Variants in ANKRD44 observed in about 807,000 individuals in gnomAD.
The protein encoded by ANKRD44 is ankyrin repeat domain 44.
A neutral mutation model predicts 116.0 loss-of-function variants in ANKRD44; 35 were observed. That is an observed-to-expected ratio of 0.30 (90% CI 0.23 to 0.40). ANKRD44 has a LOEUF of 0.40. Among genes scored for constraint, ANKRD44 ranks in the 10% least tolerant of loss-of-function variants. The pLI is 1.00. For missense variants in ANKRD44, 1,014 were observed against 1,242.6 expected (o/e 0.82, Z 2.77); for synonymous variants, 435 against 461.8 (o/e 0.94, Z 0.74).
At chr2:197,172,347 G>A (rs2080260001) in intron 2 of ANKRD44, among the ~76,000 whole-genome samples, 1 of 152,052 alleles carries the variant, frequency 6.6e-6, no homozygotes, top group African/African-American at 2.4e-5. Flanking sequence ...GATAAAGGTG[G>A]TAGGTAAGCT....
intron 27 of ANKRD44, among the ~76,000 whole-genome samples, chr2:196,991,322 C>T (rs2075911685): frequency 6.6e-6 from 1 of 152,116 alleles, no homozygotes; most frequent in Non-Finnish European, 1.5e-5. Flanking sequence ...CACCATGAGC[C>T]TCAGGCCTGG....
intron 16 of ANKRD44, among the ~76,000 whole-genome samples, chr2:197,074,136 C>T (rs977046152): frequency 3.9e-5 from 6 of 152,226 alleles, no homozygotes; most frequent in African/African-American, 7.2e-5. Flanking sequence ...CCCCCACCCT[C>T]GCCCTTAATG....
At chr2:197,069,661 C>G (rs1011919131) in intron 16 of ANKRD44, among the ~76,000 whole-genome samples, 7 of 152,036 alleles carry the variant, frequency 4.6e-5, no homozygotes, top group African/African-American at 1.7e-4. Flanking sequence ...TATATTCAAG[C>G]TATATAATAA....
chr2:197,176,161 G>C (rs907590042), intron 2 of ANKRD44, among the ~76,000 whole-genome samples: 2 of 152,206 alleles, frequency 1.3e-5, no homozygotes, highest in African/African-American at 2.4e-5. Flanking sequence ...ATTGGACTGT[G>C]ACACCATGGA....
chr2:197,171,928 T>C (rs972047124), intron 2 of ANKRD44, among the ~76,000 whole-genome samples: 3 of 152,106 alleles, frequency 2.0e-5, no homozygotes, highest in South Asian at 2.1e-4. Flanking sequence ...ATATTTAGTA[T>C]AAGATGGAGA....
At chr2:197,228,240 T>C (rs1349159321) in intron 1 of ANKRD44, among the ~76,000 whole-genome samples, 1 of 152,230 alleles carries the variant, frequency 6.6e-6, no homozygotes. Flanking sequence ...TAGCTGCTGG[T>C]TATTGCTATC....
At chr2:196,968,969 T>C (rs536350966) in intron 21 of ANKRD44, among the ~76,000 whole-genome samples, 43 of 152,326 alleles carry the variant, frequency 2.8e-4, no homozygotes, top group African/African-American at 1.0e-3. Flanking sequence ...AATACTGATT[T>C]TGAAACCTGG....
intron 2 of ANKRD44, among the ~76,000 whole-genome samples, chr2:197,162,866 G>A (rs2080002291): frequency 6.6e-6 from 1 of 152,236 alleles, no homozygotes; most frequent in African/African-American, 2.4e-5. Flanking sequence ...TATATGTCTT[G>A]CAGGAATAGA....
chr2:197,168,026 C>G (rs1559119889), intron 2 of ANKRD44, among the ~76,000 whole-genome samples: 1 of 152,184 alleles, frequency 6.6e-6, no homozygotes, highest in Non-Finnish European at 1.5e-5. Context: ...CGCCCTGTCA[C>G]AAGTTCAACA....
chr2:197,228,553 C>T (rs907494445), intron 1 of ANKRD44, among the ~76,000 whole-genome samples: 1 of 152,190 alleles, frequency 6.6e-6, no homozygotes, highest in Non-Finnish European at 1.5e-5. Context: ...GTCACAGGCA[C>T]AGCAATCATC....
At chr2:197,035,216 C>A (rs904572880) in intron 16 of ANKRD44, among the ~76,000 whole-genome samples, 1 of 152,106 alleles carries the variant, frequency 6.6e-6, no homozygotes, top group African/African-American at 2.4e-5. Context: ...TGTGAGGGAA[C>A]ACATAAATAT....
chr2:196,973,038 A>C (rs768113611), intron 21 of ANKRD44, among the ~76,000 whole-genome samples: 7 of 152,176 alleles, frequency 4.6e-5, no homozygotes, highest in Non-Finnish European at 8.8e-5. Flanking sequence ...TGATGAAATA[A>C]AGTATTACCC....
chr2:197,247,561 C>T (rs939335431), intron 1 of ANKRD44, among the ~76,000 whole-genome samples: 7 of 152,206 alleles, frequency 4.6e-5, no homozygotes, highest in African/African-American at 1.7e-4. Flanking sequence ...AAAACCCAAA[C>T]TTAATTTGTA....
chr2:197,235,214 A>G (rs2081952465), intron 1 of ANKRD44, among the ~76,000 whole-genome samples: 1 of 152,254 alleles, frequency 6.6e-6, no homozygotes, highest in Admixed American at 6.5e-5. Flanking sequence ...AGAACTAAAT[A>G]GATTGATATT....
intron 23 of ANKRD44, 123 bp from the exon 24 acceptor site, chr2:196,999,175 G>A (rs2076068666): frequency 8.6e-7 from 1 of 1,163,202 alleles, no homozygotes; most frequent in Non-Finnish European, 1.2e-6. Flanking sequence ...TATAGACATA[G>A]TGATCAGGTC....
At position 197,252,475 on chromosome 2, in the gene ANKRD44, C is replaced by T. The variant is rs550557184; in HGVS notation, c.27+58103G>A. 1.2e-4 allele frequency among the ~76,000 whole-genome samples: 18 copies of T among 152,186 alleles called. No individual in the cohort carries two copies. In the South Asian group the frequency reaches 3.3e-3, roughly 28 times the overall value. On this transcript the variant is annotated intron_variant, in intron 1 of 27. Coordinates refer to ENST00000282272, the MANE Select transcript of ANKRD44 (RefSeq NM_001195144.2). Reference sequence around the variant, plus strand: ...AGGCTGGAGCGCAGTAGCGCGATCTCGGCTCACTGCAAGCTCCGCCTCCCG... The same window carrying T: ...AGGCTGGAGCGCAGTAGCGCGATCTTGGCTCACTGCAAGCTCCGCCTCCCG...
At chr2:197,174,160 T>A (rs2080308408) in intron 2 of ANKRD44, among the ~76,000 whole-genome samples, 2 of 152,252 alleles carry the variant, frequency 1.3e-5, no homozygotes, top group African/African-American at 4.8e-5. Flanking sequence ...TATGACTTAA[T>A]AAGTTTTTAA....
chr2:197,216,491 C>G (rs936999888), intron 1 of ANKRD44, among the ~76,000 whole-genome samples: 1 of 152,178 alleles, frequency 6.6e-6, no homozygotes, highest in Non-Finnish European at 1.5e-5. Context: ...TCCTTGTGAT[C>G]CAGATGAAAC....
intron 2 of ANKRD44, among the ~76,000 whole-genome samples, chr2:197,179,596 A>G (rs1170318928): frequency 6.6e-6 from 1 of 152,238 alleles, no homozygotes; most frequent in Non-Finnish European, 1.5e-5. Context: ...CTAATGCCAT[A>G]CACTTGAAAT....
Sources: allele counts gnomAD v4.1 joint callset (sites outside exome capture counted in the v4.1 genomes callset), GRCh38; gene constraint gnomAD v4.1.1; transcripts MANE v1.5; gene names NCBI Gene and HGNC (gene_info 2026-07-23, HGNC 2026-07-21).